FGGY: variants seen among roughly 807,000 people sequenced by gnomAD.
The protein encoded by FGGY is FGGY carbohydrate kinase domain-containing protein.
Under a neutral mutation model 71.3 loss-of-function variants are expected in FGGY, and 72 were observed. The ratio of observed to expected loss-of-function variants is 1.01; its 90% confidence interval spans 0.84 to 1.23. The LOEUF is 1.23. FGGY is among the 50% of genes most tolerant of loss of function. The pLI is 0.00. For missense variants in FGGY, 668 were observed against 682.3 expected (o/e 0.98, Z 0.23); for synonymous variants, 251 against 250.3 (o/e 1.00, Z -0.02).
chr1:59,714,891 A>T (rs2097831655), intron 14 of FGGY, among the ~76,000 whole-genome samples: 1 of 152,212 alleles, frequency 6.6e-6, no homozygotes, highest in African/African-American at 2.4e-5. Context: ...CTGGCTTCAG[A>T]TTCTCAGGTT....
chr1:59,477,635 A>C (rs2093319615), intron 6 of FGGY, among the ~76,000 whole-genome samples: 1 of 152,118 alleles, frequency 6.6e-6, no homozygotes, highest in Admixed American at 6.5e-5. Flanking sequence ...ATTCCGTTAA[A>C]TTTTCATACG....
chr1:59,576,692 A>G (rs1027649411), intron 8 of FGGY, among the ~76,000 whole-genome samples: 4 of 151,774 alleles, frequency 2.6e-5, no homozygotes, highest in Admixed American at 2.6e-4. Context: ...ACACACACAC[A>G]CACACACACA....
chr1:59,397,503 A>C (rs2061463325), intron 5 of FGGY, among the ~76,000 whole-genome samples: 4 of 152,228 alleles, frequency 2.6e-5, no homozygotes, highest in Admixed American at 2.0e-4. Context: ...GGAGGAAAGA[A>C]AGCAGGTAAG....
chr1:59,344,111 C>T (rs2051278167), intron 3 of FGGY, among the ~76,000 whole-genome samples: 2 of 152,096 alleles, frequency 1.3e-5, no homozygotes, highest in South Asian at 4.1e-4. Context: ...GATAGAGGAA[C>T]AATTCTGTTT....
chr1:59,523,096 A>G (rs570863557), intron 7 of FGGY, among the ~76,000 whole-genome samples: 102 of 152,370 alleles, frequency 6.7e-4, no homozygotes, highest in African/African-American at 2.3e-3. Flanking sequence ...AAAAACACAC[A>G]GTAATCCAGC....
At chr1:59,339,870 C>T in intron 2 of FGGY, 88 bp from the exon 3 acceptor site, 2 of 715,752 alleles carry the variant, frequency 2.8e-6, no homozygotes, top group South Asian at 2.0e-5. Context: ...TTTTTCTATT[C>T]TGTCATTCCT....
intron 14 of FGGY, among the ~76,000 whole-genome samples, chr1:59,740,774 A>G (rs900426270): frequency 6.6e-6 from 1 of 152,216 alleles, no homozygotes; most frequent in African/African-American, 2.4e-5. Context: ...AGCTTCTTCA[A>G]TACTATCTCC....
At chr1:59,491,925 G>A (rs140633519) in intron 6 of FGGY, among the ~76,000 whole-genome samples, 72 of 152,156 alleles carry the variant, frequency 4.7e-4, no homozygotes, top group African/African-American at 1.6e-3. Flanking sequence ...TATAATAGAC[G>A]CGTGTCGTTC....
rs2066711920 is a variant in FGGY, at chr1:59,428,121, T to C, written c.555-28840T>C. On this transcript the variant is annotated intron_variant, in intron 5 of 15. Coordinates refer to ENST00000303721, the MANE Select transcript of FGGY (RefSeq NM_018291.5). Reference sequence around the variant, plus strand: ...GCTATTATGAGACTTGATGGTCATTTCTGCCTCTGTGGTTTTATGATTCCA... The same window carrying C: ...GCTATTATGAGACTTGATGGTCATTCCTGCCTCTGTGGTTTTATGATTCCA... Among the ~76,000 whole-genome samples, 3 of 152,218 alleles carry C rather than the reference T, an allele frequency of 2.0e-5. No homozygotes were observed. In the South Asian group the frequency reaches 6.2e-4, roughly 32 times the overall value.
At chr1:59,589,364 A>G (rs2096380222) in intron 8 of FGGY, among the ~76,000 whole-genome samples, 1 of 152,146 alleles carries the variant, frequency 6.6e-6, no homozygotes, top group African/African-American at 2.4e-5. Context: ...CACTGTCAAC[A>G]TTAGACAGAT....
chr1:59,738,463 GA>G (rs1429327624), intron 14 of FGGY, among the ~76,000 whole-genome samples: 1 of 152,124 alleles, frequency 6.6e-6, no homozygotes, highest in Non-Finnish European at 1.5e-5. Context: ...CAAAGATGGG[GA>G]AAAAAACCAT....
At chr1:59,459,769 C>A (rs1188633856) in intron 6 of FGGY, among the ~76,000 whole-genome samples, 1 of 152,188 alleles carries the variant, frequency 6.6e-6, no homozygotes, top group African/African-American at 2.4e-5. Context: ...TATCCAGGTG[C>A]CATTTCAGCA....
At chr1:59,473,320 C>G (rs1475225119) in intron 6 of FGGY, among the ~76,000 whole-genome samples, 2 of 152,054 alleles carry the variant, frequency 1.3e-5, no homozygotes, top group Non-Finnish European at 2.9e-5. Context: ...AGCTTCACTC[C>G]TGAGCCAGCG....
intron 14 of FGGY, among the ~76,000 whole-genome samples, chr1:59,691,508 G>A (rs2097586193): frequency 6.6e-6 from 1 of 152,160 alleles, no homozygotes; most frequent in Non-Finnish European, 1.5e-5. Flanking sequence ...AGCCACTCTT[G>A]GAGATTGATT....
At chr1:59,480,584 A>G (rs2093432176) in intron 6 of FGGY, among the ~76,000 whole-genome samples, 1 of 152,200 alleles carries the variant, frequency 6.6e-6, no homozygotes, top group Non-Finnish European at 1.5e-5. Flanking sequence ...CTTCAATAAA[A>G]TGAGAGTTGT....
chr1:59,744,859 G>A (rs933505237), intron 14 of FGGY, among the ~76,000 whole-genome samples: 8 of 152,204 alleles, frequency 5.3e-5, no homozygotes, highest in African/African-American at 1.2e-4. Flanking sequence ...GTGGGGAGAC[G>A]TAAGAAAACA....
At chr1:59,370,525 G>A (rs1396912733) in intron 4 of FGGY, among the ~76,000 whole-genome samples, 2 of 152,018 alleles carry the variant, frequency 1.3e-5, no homozygotes, top group African/African-American at 4.8e-5. Flanking sequence ...AGCAAGGCAG[G>A]CCAACATTCA....
intron 8 of FGGY, among the ~76,000 whole-genome samples, chr1:59,579,662 AC>A (rs1286450459): frequency 2.0e-5 from 3 of 152,080 alleles, no homozygotes; most frequent in Non-Finnish European, 2.9e-5. Flanking sequence ...AATGTGGACC[AC>A]CTAGTTCAAG....
At chr1:59,663,436 G>A (rs2097296005) in intron 12 of FGGY, among the ~76,000 whole-genome samples, 1 of 152,126 alleles carries the variant, frequency 6.6e-6, no homozygotes, top group Non-Finnish European at 1.5e-5. Flanking sequence ...GTCTCACAGA[G>A]GTTCCTTTCC....
Sources: allele counts gnomAD v4.1 joint callset (sites outside exome capture counted in the v4.1 genomes callset), GRCh38; gene constraint gnomAD v4.1.1; transcripts MANE v1.5; gene names NCBI Gene and HGNC (gene_info 2026-07-23, HGNC 2026-07-21).